Variants in RNFT2 observed in about 807,000 individuals in gnomAD.
The protein encoded by RNFT2 is E3 ubiquitin-protein ligase RNFT2.
In RNFT2, 36 loss-of-function variants were observed where a neutral mutation model predicts 53.0. The ratio of observed to expected loss-of-function variants is 0.68; its 90% confidence interval spans 0.52 to 0.90. RNFT2 has a LOEUF of 0.90. Ranked by LOEUF, RNFT2 falls within the 40% of genes least tolerant of loss-of-function variation. The pLI, the probability that RNFT2 is intolerant of heterozygous loss-of-function variation, is 0.00. For synonymous variants in RNFT2, 260 were observed against 253.2 expected (o/e 1.03, Z -0.26); for missense variants, 514 against 585.6 (o/e 0.88, Z 1.26).
chr12:116,776,081 T>C (rs891195726), intron 6 of RNFT2, among the ~76,000 whole-genome samples: 1 of 151,772 alleles, frequency 6.6e-6, no homozygotes, highest in Non-Finnish European at 1.5e-5. Context: ...TGGAGGTGCC[T>C]AAGGAGGAGC....
At chr12:116,761,025 A>G (rs564236301) in intron 5 of RNFT2, among the ~76,000 whole-genome samples, 9 of 152,140 alleles carry the variant, frequency 5.9e-5, no homozygotes, top group Non-Finnish European at 8.8e-5. Flanking sequence ...TCTTCGGTCT[A>G]TCACCCCTGG....
chr12:116,746,012 G>C (rs1592934348), intron 3 of RNFT2, among the ~76,000 whole-genome samples: 1 of 152,226 alleles, frequency 6.6e-6, no homozygotes. Context: ...CAAGGCGGGT[G>C]GATCACTTGA....
rs75083621 is a variant in RNFT2 at position 116,849,702 on chromosome 12, G to A, written c.*254G>A. 2.1e-3 allele frequency: 2,604 copies of A among 1,229,718 alleles called. 44 individuals are homozygous for A. The African/African-American group carries it at 0.036, about 17-fold the overall frequency. The allele number at this position is 1,229,718 out of a possible 1,614,324, so 76.2% of individuals were successfully genotyped here. A position where few individuals can be genotyped will look rare whatever the true frequency, so the allele number is the denominator to read the frequency against. ...CTAACTCAGACTTGATGCCCTTCTA[G>A]ATGCATCTTCCTTCTCCACTCCAAG... is the stretch of plus-strand genomic sequence containing the variant. On this transcript the variant is annotated 3_prime_UTR_variant, in exon 11 of 11. Coordinates refer to ENST00000257575, the MANE Select transcript of RNFT2 (RefSeq NM_001382266.1).
At chr12:116,758,912 C>G (rs1281942749) in intron 5 of RNFT2, among the ~76,000 whole-genome samples, 1 of 152,208 alleles carries the variant, frequency 6.6e-6, no homozygotes, top group Non-Finnish European at 1.5e-5. Flanking sequence ...AGGTCTCTAG[C>G]AAGGCCGGGG....
At chr12:116,750,925 G>T (rs1398119145) in intron 4 of RNFT2, among the ~76,000 whole-genome samples, 1 of 125,420 alleles carries the variant, frequency 8.0e-6, no homozygotes, top group Non-Finnish European at 1.6e-5. Context: ...TTTGAGACAG[G>T]GTCTTGCTCT....
chr12:116,839,562 T>C (rs1021511509), intron 10 of RNFT2, among the ~76,000 whole-genome samples: 2 of 150,660 alleles, frequency 1.3e-5, no homozygotes, highest in Non-Finnish European at 3.0e-5. Context: ...GATGGGCAAA[T>C]GGATGGACAG....
At chr12:116,771,804 C>G (rs976041080) in intron 6 of RNFT2, among the ~76,000 whole-genome samples, 1 of 152,156 alleles carries the variant, frequency 6.6e-6, no homozygotes, top group Admixed American at 6.6e-5. Context: ...TTAGCCCCGA[C>G]TTATCATCAG....
intron 3 of RNFT2, among the ~76,000 whole-genome samples, chr12:116,742,881 G>A (rs1871678288): frequency 6.6e-6 from 1 of 151,912 alleles, no homozygotes; most frequent in African/African-American, 2.4e-5. Flanking sequence ...CCAGAAGTTT[G>A]AGATCAGCCT....
chr12:116,852,068 A>C lies in RNFT2; in HGVS notation c.*2620A>C. On this transcript the variant is annotated 3_prime_UTR_variant, in exon 11 of 11. Transcript: ENST00000257575. ...GACAGAGCCACTTCTCCACCTCTGAAATGTTCCCTGCTCTGAAATCTGGCA... is the reference window on the plus strand; with the variant it reads ...GACAGAGCCACTTCTCCACCTCTGACATGTTCCCTGCTCTGAAATCTGGCA... 1 of 1,115,738 alleles carries C rather than the reference A, an allele frequency of 9.0e-7. No homozygotes were observed. The highest frequency in any genetic ancestry group is 1.2e-6 in the Non-Finnish European group (1 of 811,760). 69.1% of individuals were successfully genotyped at this position (1,115,738 alleles called of 1,614,324 possible).
Position 116,757,348 on chromosome 12 carries a change from C to G in RNFT2, c.627+3288C>G, listed in dbSNP as rs182404345. Reference sequence around the variant, plus strand: ...AGTTCTGCTCTGATCTTGGTTATTTCCTTTCTTCTGCTGGGTTTGGATTTG... The same window carrying G: ...AGTTCTGCTCTGATCTTGGTTATTTGCTTTCTTCTGCTGGGTTTGGATTTG... On this transcript the variant is annotated intron_variant, in intron 5 of 10. Transcript: ENST00000257575. Among the ~76,000 whole-genome samples, 331 of 151,960 alleles carry G rather than the reference C, an allele frequency of 2.2e-3. 4 individuals carry two copies. Among genetic ancestry groups the G allele is most frequent in the Non-Finnish European group, 6.8e-4 (46 of 67,968 alleles).
intron 10 of RNFT2, among the ~76,000 whole-genome samples, chr12:116,847,745 T>C (rs991427933): frequency 1.3e-5 from 2 of 152,244 alleles, no homozygotes; most frequent in African/African-American, 4.8e-5. Context: ...CAGGCTGGTC[T>C]CAAACTCCTG....
rs1430211312 is a variant in RNFT2, at chr12:116,833,935, C to T, written c.1026C>T (p.Leu342=). 3 of 1,602,338 alleles carry T rather than the reference C, an allele frequency of 1.9e-6. No individual in the cohort carries two copies. The highest frequency in any genetic ancestry group is 2.3e-5 in the East Asian group (1 of 44,088). Residue 342 remains leucine (L), a synonymous_variant, in exon 8 of 11, where the codon CTC becomes CTT. Coordinates refer to ENST00000257575, the MANE Select transcript of RNFT2 (RefSeq NM_001382266.1). Reference sequence around the variant, plus strand: ...GGGTCCTGATCGTTCTCTACAGCCTCTGCAAGGTGAGGTGGCCCCAAGGCT... The same window carrying T: ...GGGTCCTGATCGTTCTCTACAGCCTTTGCAAGGTGAGGTGGCCCCAAGGCT... ...LGGVLIVLYS[L]CKSFDICGRV...
chr12:116,807,191 C>T (rs958348750), intron 7 of RNFT2, among the ~76,000 whole-genome samples: 1 of 152,048 alleles, frequency 6.6e-6, no homozygotes, highest in African/African-American at 2.4e-5. Flanking sequence ...GGTGATTATC[C>T]CTTGTCTATA....
intron 6 of RNFT2, among the ~76,000 whole-genome samples, chr12:116,768,208 C>T (rs1873004603): frequency 6.7e-6 from 1 of 150,232 alleles, no homozygotes; most frequent in African/African-American, 2.5e-5. Flanking sequence ...TCAAGTGATT[C>T]TCCTGTCTCA....
intron 7 of RNFT2, among the ~76,000 whole-genome samples, chr12:116,828,478 C>A (rs1157953071): frequency 6.6e-6 from 1 of 152,176 alleles, no homozygotes; most frequent in Admixed American, 6.5e-5. Context: ...TCACATTCAC[C>A]TCTAGCAGAG....
intron 7 of RNFT2, among the ~76,000 whole-genome samples, chr12:116,820,380 C>G (rs184323853): frequency 6.6e-6 from 1 of 152,350 alleles, no homozygotes; most frequent in African/African-American, 2.4e-5. Flanking sequence ...CCATGCCCAG[C>G]TATCCCTGTG....
chr12:116,827,219 CAAAA>C (rs753600365), intron 7 of RNFT2, among the ~76,000 whole-genome samples: 3 of 92,478 alleles, frequency 3.2e-5, no homozygotes, highest in Admixed American at 1.2e-4. Context: ...GACTCCATCT[CAAAA>C]AAAAAAAAAA....
chr12:116,825,148 C>T (rs1441772931), intron 7 of RNFT2, among the ~76,000 whole-genome samples: 3 of 152,132 alleles, frequency 2.0e-5, no homozygotes, highest in Admixed American at 6.6e-5. Flanking sequence ...CCTCAGTTCT[C>T]ACCGTTGGCT....
intron 3 of RNFT2, among the ~76,000 whole-genome samples, chr12:116,744,293 C>T (rs1871792918): frequency 6.6e-6 from 1 of 151,806 alleles, no homozygotes; most frequent in Non-Finnish European, 1.5e-5. Flanking sequence ...AAACAGCATC[C>T]GGCTTGTAAT....
Sources: gnomAD v4.1 joint callset for allele counts (sites outside exome capture counted in the v4.1 genomes callset) on GRCh38, gnomAD v4.1.1 for gene constraint, MANE v1.5 for transcripts, NCBI Gene and HGNC (gene_info 2026-07-23, HGNC 2026-07-21) for gene names.